Variants in ATF2 observed in about 807,000 individuals in gnomAD.
The protein encoded by ATF2 is activating transcription factor 2.
A neutral mutation model predicts 60.6 loss-of-function variants in ATF2; 24 were observed. The ratio of observed to expected loss-of-function variants is 0.40; its 90% CI spans 0.29 to 0.56. ATF2 has a LOEUF of 0.56. Among genes scored for constraint, ATF2 ranks in the 20% least tolerant of loss-of-function variants. The probability of loss-of-function intolerance (pLI) is 0.54; values close to 1 mark genes in which losing one functional copy is unlikely to be tolerated. For missense variants in ATF2, 433 were observed against 607.7 expected, an observed-to-expected ratio of 0.71 and a Z score of 3.02; for synonymous variants, 206 against 215.4, an observed-to-expected ratio of 0.96 and a Z score of 0.38.
Position 175,074,636 on chromosome 2 carries a change from G to C in ATF2, c.1491C>G (p.Ser497=). 1 of 1,612,956 alleles carries C rather than the reference G, an allele frequency of 6.2e-7. No individual in the cohort carries two copies. Among genetic ancestry groups the C allele is most frequent in the Non-Finnish European group, 8.5e-7 (1 of 1,179,486 alleles). The part of the protein sequence containing the change: ...PALSQIVMAP[S]SQSQPSGS ...AACTTCCTGAGGGCTGTGACTGGGAGGAAGGAGCCATAACGATCTGTGAAA... is the reference window on the plus strand; with the variant it reads ...AACTTCCTGAGGGCTGTGACTGGGACGAAGGAGCCATAACGATCTGTGAAA... The change falls in exon 14 of 14, where the codon TCC becomes TCG. Residue 497 remains serine, a synonymous_variant. Transcript: ENST00000264110.
chr2:175,165,142 G>A (rs1489188802), intron 1 of ATF2, among the ~76,000 whole-genome samples: 1 of 151,960 alleles, frequency 6.6e-6, no homozygotes, highest in Non-Finnish European at 1.5e-5. Context: ...TTTTTTTTAG[G>A]GTACATTTTA....
intron 7 of ATF2, 138 bp downstream of exon 7, chr2:175,117,852 T>C (rs558213169): frequency 1.1e-6 from 1 of 912,426 alleles, no homozygotes; most frequent in Non-Finnish European, 1.5e-6. Context: ...AATATCTGAG[T>C]ATTGACAGGC....
chr2:175,136,309 G>GA (rs34875693), intron 3 of ATF2, 103 bp downstream of exon 3: 52,145 of 1,133,272 alleles, frequency 0.046, 1,475 homozygotes, highest in Non-Finnish European at 0.053. Flanking sequence ...GTTTTGTATG[G>GA]AAAAAAACAC....
chr2:175,132,719 G>A (rs556331839), intron 3 of ATF2: 1 of 152,124 alleles, frequency 6.6e-6, no homozygotes. Flanking sequence ...GAGCCTGGAG[G>A]TTTCTCTTCT....
At chr2:175,164,456 T>C (rs866272517) in intron 1 of ATF2, among the ~76,000 whole-genome samples, 1 of 152,030 alleles carries the variant, frequency 6.6e-6, no homozygotes, top group Non-Finnish European at 1.5e-5. Context: ...ACCGCTTGAA[T>C]CCGGGAGGTG....
At chr2:175,101,650 T>C (rs993657209) in intron 10 of ATF2, among the ~76,000 whole-genome samples, 1 of 152,182 alleles carries the variant, frequency 6.6e-6, no homozygotes, top group African/African-American at 2.4e-5. Context: ...TACATAAACA[T>C]CACTCTCTTG....
At chr2:175,095,465 T>A (rs1168600161) in intron 11 of ATF2, among the ~76,000 whole-genome samples, 2 of 152,218 alleles carry the variant, frequency 1.3e-5, no homozygotes, top group Non-Finnish European at 2.9e-5. Flanking sequence ...ATTTTTGTTT[T>A]TAATTGATTT....
chr2:175,101,358 G>A (rs1214736316), intron 10 of ATF2, among the ~76,000 whole-genome samples: 1 of 152,114 alleles, frequency 6.6e-6, no homozygotes, highest in Non-Finnish European at 1.5e-5. Context: ...TCGCCAGTCT[G>A]CATATTTATA....
In ATF2 at chr2:175,080,785, T is replaced by G; in HGVS notation, c.1186-20A>C. On this transcript the variant is annotated intron_variant, in intron 12 of 13. Transcript: ENST00000264110. ...TTCACTCTGGAGAAGAAACAACTTATGTACCTTACCACAGACTAAACATAT... is the reference window on the plus strand; with the variant it reads ...TTCACTCTGGAGAAGAAACAACTTAGGTACCTTACCACAGACTAAACATAT... 2 of 1,583,624 alleles carry G rather than the reference T, an allele frequency of 1.3e-6. No homozygotes were observed. The highest frequency in any genetic ancestry group is 1.7e-6 in the Non-Finnish European group (2 of 1,153,050).
chr2:175,157,777 G>A (rs1400948722), intron 1 of ATF2, among the ~76,000 whole-genome samples: 2 of 152,000 alleles, frequency 1.3e-5, no homozygotes, highest in African/African-American at 2.4e-5. Flanking sequence ...GGTGGATCAC[G>A]AGATCAGGAG....
intron 12 of ATF2, among the ~76,000 whole-genome samples, chr2:175,086,571 T>TAC (rs1051986009): frequency 1.3e-5 from 2 of 152,078 alleles, no homozygotes; most frequent in Non-Finnish European, 2.9e-5. Context: ...CATATATATA[T>TAC]ACACATTTAT....
chr2:175,100,582 C>G (rs889525775), intron 10 of ATF2, among the ~76,000 whole-genome samples: 1 of 152,200 alleles, frequency 6.6e-6, no homozygotes, highest in African/African-American at 2.4e-5. Flanking sequence ...TATCTGCTAG[C>G]CGTAATAAAG....
chr2:175,109,179 A>T (rs976619923), intron 10 of ATF2, among the ~76,000 whole-genome samples: 2 of 150,558 alleles, frequency 1.3e-5, no homozygotes, highest in African/African-American at 4.8e-5. Context: ...AAAAAAAAAA[A>T]AAAAAAAAAA....
chr2:175,134,068 T>C (rs1002716950), intron 3 of ATF2, among the ~76,000 whole-genome samples: 2 of 152,178 alleles, frequency 1.3e-5, no homozygotes, highest in Admixed American at 6.5e-5. Flanking sequence ...TCTGTATCTA[T>C]GAGTTTTGCA....
chr2:175,098,717 A>G (rs558785729), intron 10 of ATF2, among the ~76,000 whole-genome samples: 95 of 152,312 alleles, frequency 6.2e-4, no homozygotes, highest in Middle Eastern at 3.4e-3. Flanking sequence ...TGAGTGAGAG[A>G]AGAGCTTTTA....
At chr2:175,125,163 G>A (rs1012328318) in intron 4 of ATF2, among the ~76,000 whole-genome samples, 3 of 151,934 alleles carry the variant, frequency 2.0e-5, no homozygotes, top group African/African-American at 7.2e-5. Context: ...GCTTACTGGT[G>A]ACAAAAAATA....
intron 2 of ATF2, among the ~76,000 whole-genome samples, chr2:175,146,705 A>G (rs1450293262): frequency 3.9e-5 from 6 of 152,200 alleles, no homozygotes; most frequent in Admixed American, 2.6e-4. Context: ...GAGTGATGAA[A>G]TCGCATCTTC....
intron 2 of ATF2, among the ~76,000 whole-genome samples, chr2:175,144,936 G>T (rs62184522): frequency 6.6e-6 from 1 of 152,308 alleles, no homozygotes; most frequent in South Asian, 2.1e-4. Flanking sequence ...ATGTAAATAC[G>T]TGGATATTGA....
chr2:175,086,135 T>C lies in ATF2; in HGVS notation c.1186-5370A>G, dbSNP rs1694152598. 5.3e-5 allele frequency among the ~76,000 whole-genome samples: 8 copies of C among 152,214 alleles called. No individual in the cohort carries two copies. In the South Asian group the frequency reaches 1.7e-3, roughly 31 times the overall value. ...TACAAATTCAGTCCAATTTTTTACATTGTCCTGATCTAAAATGTTTTACAG... is the reference window on the plus strand; with the variant it reads ...TACAAATTCAGTCCAATTTTTTACACTGTCCTGATCTAAAATGTTTTACAG... On this transcript the variant is annotated intron_variant, in intron 12 of 13. Transcript: ENST00000264110.
Sources: allele counts gnomAD v4.1 joint callset (sites outside exome capture counted in the v4.1 genomes callset), GRCh38; gene constraint gnomAD v4.1.1; transcripts MANE v1.5; gene names NCBI Gene and HGNC (gene_info 2026-07-23, HGNC 2026-07-21).